The following SNX4 variants were observed in gnomAD, a reference collection of about 807,000 sequenced individuals.
The protein encoded by SNX4 is sorting nexin 4, also known as sorting nexin-4.
A neutral mutation model predicts 70.8 loss-of-function variants in SNX4; 49 were observed. That is an observed-to-expected ratio of 0.69 (90% CI 0.55 to 0.88). The LOEUF is 0.88. SNX4 is among the 40% of genes least tolerant of loss of function. The probability of loss-of-function intolerance (pLI) is 0.00; values close to 1 mark genes in which losing one functional copy is unlikely to be tolerated. For synonymous variants in SNX4, 206 were observed against 183.8 expected (o/e 1.12, Z -0.98); for missense variants, 528 against 544.8 (o/e 0.97, Z 0.31).
chr3:125,478,570 A>G (rs932437800), intron 7 of SNX4, among the ~76,000 whole-genome samples: 4 of 152,094 alleles, frequency 2.6e-5, no homozygotes, highest in African/African-American at 9.7e-5. Context: ...GCAGTAGGGA[A>G]CATCTTACAG....
chr3:125,519,879 G>A (rs1444133326), intron 1 of SNX4, among the ~76,000 whole-genome samples, 153 bp downstream of exon 1: 1 of 151,872 alleles, frequency 6.6e-6, no homozygotes, highest in African/African-American at 2.4e-5. Context: ...CTGCACCTGC[G>A]GACCCCGCCT....
chr3:125,519,345 G>A (rs548225595), intron 1 of SNX4, among the ~76,000 whole-genome samples: 6 of 152,200 alleles, frequency 3.9e-5, no homozygotes, highest in Non-Finnish European at 8.8e-5. Context: ...AATTACTAAA[G>A]GGTCTTCAAA....
At chr3:125,454,576 A>G (rs545409520) in intron 11 of SNX4, among the ~76,000 whole-genome samples, 1 of 152,342 alleles carries the variant, frequency 6.6e-6, no homozygotes, top group South Asian at 2.1e-4. Context: ...GGTTACATGC[A>G]AATACTACAC....
At chr3:125,458,677 G>C (rs1451335968) in intron 10 of SNX4, among the ~76,000 whole-genome samples, 1 of 151,724 alleles carries the variant, frequency 6.6e-6, no homozygotes, top group East Asian at 1.9e-4. Flanking sequence ...AGCCGGGAGA[G>C]GTGGCAGGCG....
At chr3:125,456,866 G>C (rs1933730186) in intron 11 of SNX4, among the ~76,000 whole-genome samples, 1 of 151,960 alleles carries the variant, frequency 6.6e-6, no homozygotes, top group Non-Finnish European at 1.5e-5. Flanking sequence ...TCACCATGTT[G>C]GCCAGGCTAA....
At chr3:125,490,031 A>T (rs1465272788) in intron 5 of SNX4, among the ~76,000 whole-genome samples, 2 of 151,896 alleles carry the variant, frequency 1.3e-5, no homozygotes, top group African/African-American at 4.8e-5. Flanking sequence ...CGGGAGTCTG[A>T]GGCAGGAGAG....
intron 5 of SNX4, among the ~76,000 whole-genome samples, chr3:125,495,277 T>TATATATATATATACACACAC: frequency 1.2e-4 from 12 of 99,606 alleles, no homozygotes; most frequent in Admixed American, 1.1e-3. Flanking sequence ...TATATATATA[T>TATATATATATATACACACAC]ACACATACAC....
intron 13 of SNX4, among the ~76,000 whole-genome samples, chr3:125,449,409 ACT>A (rs1933517798): frequency 1.3e-5 from 2 of 148,382 alleles, no homozygotes; most frequent in South Asian, 4.3e-4. Context: ...ACAGGGTGAG[ACT>A]CTGTCTCAAA....
chr3:125,508,969 G>A (rs566415670), intron 1 of SNX4, among the ~76,000 whole-genome samples: 5 of 152,228 alleles, frequency 3.3e-5, no homozygotes, highest in African/African-American at 1.2e-4. Flanking sequence ...TGACACCAAA[G>A]GCACAGGCAG....
intron 12 of SNX4, among the ~76,000 whole-genome samples, chr3:125,452,487 T>G (rs1395917403): frequency 6.6e-6 from 1 of 152,044 alleles, no homozygotes; most frequent in Non-Finnish European, 1.5e-5. Flanking sequence ...GAGGCTGAGA[T>G]GGGAGGATCA....
chr3:125,489,898 G>A lies in SNX4; in HGVS notation c.598-435C>T, dbSNP rs189794970. Among the ~76,000 whole-genome samples, 184 of 152,322 alleles carry A rather than the reference G, an allele frequency of 1.2e-3. 1 individual carries two copies. The highest frequency in any genetic ancestry group is 3.4e-3 in the Middle Eastern group (1 of 294). On this transcript the variant is annotated intron_variant, in intron 5 of 13. Transcript: ENST00000251775. ...CCCAGCACTTTGGAAGGCCGAGACA[G>A]GAGGATCACTTGAGGTCAGGAGTTT...
chr3:125,474,945 A>C (rs1233954543), intron 8 of SNX4, among the ~76,000 whole-genome samples: 1 of 152,192 alleles, frequency 6.6e-6, no homozygotes, highest in Non-Finnish European at 1.5e-5. Context: ...ATTAGAGATG[A>C]CTTGTGCATA....
At chr3:125,479,122 G>C (rs761433096) in intron 7 of SNX4, among the ~76,000 whole-genome samples, 1 of 152,038 alleles carries the variant, frequency 6.6e-6, no homozygotes, top group Admixed American at 6.6e-5. Flanking sequence ...TAGAACAGAA[G>C]GATATACCTC....
intron 2 of SNX4, among the ~76,000 whole-genome samples, chr3:125,500,989 TAGGTA>T (rs1468262527): frequency 6.6e-6 from 1 of 151,540 alleles, no homozygotes; most frequent in Non-Finnish European, 1.5e-5. Flanking sequence ...GGTAGGTAGG[TAGGTA>T]AGCTACATGA....
intron 8 of SNX4, among the ~76,000 whole-genome samples, chr3:125,474,840 T>G (rs1188323660): frequency 8.4e-6 from 1 of 118,396 alleles, no homozygotes; most frequent in African/African-American, 3.3e-5. Context: ...TTTATGTTAA[T>G]TCCCCCCCAC....
chr3:125,480,146 G>A (rs1579990627), intron 7 of SNX4, 101 bp downstream of exon 7: 1 of 619,976 alleles, frequency 1.6e-6, no homozygotes, highest in East Asian at 3.1e-5. Flanking sequence ...GCAAAAATCA[G>A]TTATTCATGG....
intron 1 of SNX4, among the ~76,000 whole-genome samples, chr3:125,518,188 G>T (rs574574840): frequency 6.6e-6 from 1 of 152,248 alleles, no homozygotes; most frequent in South Asian, 2.1e-4. Flanking sequence ...GCAGGGTGTG[G>T]TGGTGTGTAC....
chr3:125,452,907 G>A (rs1258980024), intron 12 of SNX4, among the ~76,000 whole-genome samples: 8 of 152,030 alleles, frequency 5.3e-5, no homozygotes, highest in Admixed American at 2.0e-4. Flanking sequence ...ATGAGCTACC[G>A]CGCCCGGCCT....
intron 6 of SNX4, among the ~76,000 whole-genome samples, chr3:125,488,065 A>G (rs961621726): frequency 2.0e-5 from 3 of 151,178 alleles, no homozygotes; most frequent in African/African-American, 7.3e-5. Flanking sequence ...TGACAGGTCA[A>G]TGGGGAGGGG....
Sources: allele counts gnomAD v4.1 joint callset (sites outside exome capture counted in the v4.1 genomes callset), GRCh38; gene constraint gnomAD v4.1.1; transcripts MANE v1.5; gene names NCBI Gene and HGNC (gene_info 2026-07-23, HGNC 2026-07-21).